Variants in OR51B5 observed in about 807,000 individuals in gnomAD.
OR51B5 encodes the protein olfactory receptor family 51 subfamily B member 5, also known as olfactory receptor 51B5.
For synonymous variants in OR51B5, 186 were observed against 144.8 expected (o/e 1.28, Z -2.04); for missense variants, 456 against 374.6 (o/e 1.22, Z -1.79).
chr11:5,465,003 G>C (rs568250134), intron 1 of OR51B5, among the ~76,000 whole-genome samples: 1 of 151,984 alleles, frequency 6.6e-6, no homozygotes, highest in Non-Finnish European at 1.5e-5. Flanking sequence ...TCAGGAGATC[G>C]AGACCATCCC....
chr11:5,387,655 G>A (rs1849718943), intron 1 of OR51B5, among the ~76,000 whole-genome samples: 2 of 152,026 alleles, frequency 1.3e-5, no homozygotes, highest in African/African-American at 4.8e-5. Flanking sequence ...AATATACATT[G>A]GCCTTCTTTT....
intron 1 of OR51B5, among the ~76,000 whole-genome samples, chr11:5,353,096 T>G (rs1303769905): frequency 6.6e-6 from 1 of 151,850 alleles, no homozygotes; most frequent in East Asian, 1.9e-4. Flanking sequence ...TCTAGAAAAT[T>G]GCACGTGAAG....
intron 1 of OR51B5, among the ~76,000 whole-genome samples, chr11:5,484,844 T>C (rs1851477693): frequency 6.6e-6 from 1 of 152,240 alleles, no homozygotes; most frequent in African/African-American, 2.4e-5. Flanking sequence ...ATATGTATTA[T>C]TTCAAAATAT....
At chr11:5,395,896 C>T (rs764368392) in intron 1 of OR51B5, among the ~76,000 whole-genome samples, 19 of 152,144 alleles carry the variant, frequency 1.2e-4, no homozygotes, top group South Asian at 2.1e-4. Context: ...CACTGGAATG[C>T]TGGAAAGTAC....
chr11:5,361,176 A>G (rs1360065669), intron 1 of OR51B5, among the ~76,000 whole-genome samples: 1 of 152,188 alleles, frequency 6.6e-6, no homozygotes, highest in East Asian at 1.9e-4. Context: ...TGCTGCAAAA[A>G]GGCCATCCTC....
chr11:5,420,102 C>T (rs867430016), intron 1 of OR51B5, among the ~76,000 whole-genome samples: 3 of 151,794 alleles, frequency 2.0e-5, no homozygotes, highest in Non-Finnish European at 4.4e-5. Context: ...TCTTTCTACT[C>T]TTTTGTTATT....
intron 1 of OR51B5, among the ~76,000 whole-genome samples, chr11:5,478,147 C>T (rs74752463): frequency 2.6e-5 from 4 of 151,518 alleles, no homozygotes; most frequent in Middle Eastern, 3.4e-3. Flanking sequence ...GTTCTCCCAG[C>T]AAGCAGCTGG....
chr11:5,342,859 A>G (rs373947408), exon 1 of OR51B5: 4 of 1,611,816 alleles, frequency 2.5e-6, no homozygotes, highest in African/African-American at 1.3e-5. Flanking sequence ...TGCTCAGGAC[A>G]GTCTTGAGTA....
At chr11:5,496,884 C>G (rs942151314) in intron 1 of OR51B5, among the ~76,000 whole-genome samples, 3 of 152,144 alleles carry the variant, frequency 2.0e-5, no homozygotes, top group African/African-American at 7.2e-5. Flanking sequence ...GTCAAATGGT[C>G]CTCCTCCCGA....
rs1314140720 is a variant in OR51B5 at position 5,422,471 on chromosome 11, G to A, written n.85-75561C>T. The A allele has an allele frequency of 3.1e-6, 5 of 1,614,028 alleles. No homozygotes were observed. The highest frequency in any genetic ancestry group is 1.6e-4 in the Middle Eastern group (1 of 6,084). On this transcript the variant is annotated intron_variant and non_coding_transcript_variant, in intron 1 of 4. Coordinates refer to the OR51B5 transcript ENST00000415970. ...AGTCATGCAGCTTCTCTGGTTCAAC[G>A]TTCGTAGAATCAGCTCTGAGGCCTG... is the stretch of plus-strand genomic sequence containing the variant.
intron 1 of OR51B5, among the ~76,000 whole-genome samples, chr11:5,441,831 T>C (rs4910793): frequency 0.058 from 8,847 of 152,186 alleles, 308 homozygotes; most frequent in South Asian, 0.095. Context: ...AAAGAGGAAA[T>C]GCATCCTAGG....
In OR51B5 at chr11:5,453,952, C is replaced by T. The variant is rs779870657; in HGVS notation, n.84+51617G>A. The T allele has an allele frequency of 1.9e-6, 3 of 1,614,036 alleles. No homozygotes were observed. In the South Asian group the frequency reaches 3.3e-5, roughly 18 times the overall value. On this transcript the variant is annotated intron_variant and non_coding_transcript_variant, in intron 1 of 4. Transcript: ENST00000415970. ...GGTGCAGCTGCTCGAAGCTTCATCA[C>T]CCTTTTCCCTCTTCCCTTTCTTATT...
intron 1 of OR51B5, among the ~76,000 whole-genome samples, chr11:5,381,289 T>C (rs1355170201): frequency 6.6e-6 from 1 of 152,204 alleles, no homozygotes; most frequent in Non-Finnish European, 1.5e-5. Flanking sequence ...TCTTTAATAA[T>C]GAATTCTAAT....
chr11:5,366,639 G>A lies in OR51B5; in HGVS notation n.85-19729C>T, dbSNP rs1849372804. Among the ~76,000 whole-genome samples the A allele has an allele frequency of 1.1e-4, 16 of 149,846 alleles. No homozygotes were observed. The Admixed American group carries it at 1.1e-3, about 10-fold the overall frequency. Reference sequence around the variant, plus strand: ...ATAGAGAAAGAGAGAGAGGTAGGGAGGGAGGAAGGAAGGGAAGGAAAGGAA... The same window carrying A: ...ATAGAGAAAGAGAGAGAGGTAGGGAAGGAGGAAGGAAGGGAAGGAAAGGAA... On this transcript the variant is annotated intron_variant and non_coding_transcript_variant, in intron 1 of 4. Transcript: ENST00000415970.
chr11:5,481,747 C>A (rs12278454), intron 1 of OR51B5, among the ~76,000 whole-genome samples: 15,352 of 110,984 alleles, frequency 0.14, 2,201 homozygotes, highest in Admixed American at 0.2. Context: ...AGTGAACTCC[C>A]ATTCACAATT....
At chr11:5,447,634 C>T (rs1751335206) in intron 1 of OR51B5, among the ~76,000 whole-genome samples, 1 of 152,106 alleles carries the variant, frequency 6.6e-6, no homozygotes. Flanking sequence ...TGGGATTGAG[C>T]CTCTGCAAAC....
At chr11:5,359,739 A>C (rs1273952130) in intron 1 of OR51B5, among the ~76,000 whole-genome samples, 1 of 151,032 alleles carries the variant, frequency 6.6e-6, no homozygotes, top group Non-Finnish European at 1.5e-5. Flanking sequence ...CCTGACTTCA[A>C]ACTATACTAC....
chr11:5,472,153 C>T (rs1851238606), intron 1 of OR51B5, among the ~76,000 whole-genome samples: 1 of 152,168 alleles, frequency 6.6e-6, no homozygotes, highest in African/African-American at 2.4e-5. Context: ...CGCTCAGAAC[C>T]ACACAGTGAA....
intron 1 of OR51B5, among the ~76,000 whole-genome samples, chr11:5,477,900 G>C (rs1468604566): frequency 6.6e-6 from 1 of 151,932 alleles, no homozygotes; most frequent in Non-Finnish European, 1.5e-5. Context: ...ACAGCAGTCT[G>C]GGATCAAACT....
Sources: allele counts gnomAD v4.1 joint callset (sites outside exome capture counted in the v4.1 genomes callset), GRCh38; gene constraint gnomAD v4.1.1; transcripts MANE v1.5; gene names NCBI Gene and HGNC (gene_info 2026-07-23, HGNC 2026-07-21).